The following DSCAM variants were observed in gnomAD, a reference collection of about 807,000 sequenced individuals.
The protein encoded by DSCAM is DS cell adhesion molecule.
A neutral mutation model predicts 217.7 loss-of-function variants in DSCAM; 47 were observed. That is an observed-to-expected ratio of 0.22 (90% CI 0.17 to 0.28). The LOEUF is 0.28. DSCAM is among the 10% of genes least tolerant of loss of function. DSCAM has a pLI of 1.00. For missense variants in DSCAM, 2,080 were observed against 2,618.3 expected (o/e 0.79, Z 4.49); for synonymous variants, 1,056 against 1,015.3 (o/e 1.04, Z -0.76).
intron 3 of DSCAM, among the ~76,000 whole-genome samples, chr21:40,458,646 T>TA (rs2075782181): frequency 6.6e-6 from 1 of 152,132 alleles, no homozygotes; most frequent in Non-Finnish European, 1.5e-5. Context: ...AGTTTTAAGA[T>TA]AAAAAATTAG....
At chr21:40,675,827 GCCT>G (rs1205375379) in intron 3 of DSCAM, among the ~76,000 whole-genome samples, 16 of 152,198 alleles carry the variant, frequency 1.1e-4, no homozygotes, top group Non-Finnish European at 2.2e-4. Context: ...CCCTCGTGCC[GCCT>G]CCTCAATTTA....
chr21:40,206,781 C>A (rs1202930095), intron 11 of DSCAM, among the ~76,000 whole-genome samples: 2 of 151,802 alleles, frequency 1.3e-5, no homozygotes, highest in African/African-American at 4.8e-5. Context: ...CATGGTAGCA[C>A]ATGACTGTAG....
intron 3 of DSCAM, among the ~76,000 whole-genome samples, chr21:40,582,657 T>C (rs1251944221): frequency 6.6e-6 from 1 of 151,850 alleles, no homozygotes; most frequent in Non-Finnish European, 1.5e-5. Context: ...TCTGTACATA[T>C]ACTATGTACA....
At chr21:40,334,847 T>G (rs930379531) in intron 8 of DSCAM, among the ~76,000 whole-genome samples, 1 of 152,144 alleles carries the variant, frequency 6.6e-6, no homozygotes, top group Non-Finnish European at 1.5e-5. Flanking sequence ...TCTGGCCATG[T>G]GACTTTTCTG....
At chr21:40,511,211 G>T (rs374382245) in intron 3 of DSCAM, among the ~76,000 whole-genome samples, 14 of 152,190 alleles carry the variant, frequency 9.2e-5, no homozygotes, top group African/African-American at 3.4e-4. Flanking sequence ...GAGAAAAGAG[G>T]AAAGCAGAAC....
At chr21:40,838,653 T>G (rs2092075763) in intron 1 of DSCAM, among the ~76,000 whole-genome samples, 1 of 152,250 alleles carries the variant, frequency 6.6e-6, no homozygotes, top group African/African-American at 2.4e-5. Context: ...TTTCTTCATT[T>G]TAATACTAAA....
chr21:40,729,682 A>T (rs2090992761), intron 1 of DSCAM, among the ~76,000 whole-genome samples: 1 of 152,172 alleles, frequency 6.6e-6, no homozygotes, highest in Non-Finnish European at 1.5e-5. Flanking sequence ...GTTCTATAAA[A>T]TCTTAATGAC....
chr21:40,656,243 T>G (rs1271897593), intron 3 of DSCAM, among the ~76,000 whole-genome samples: 2 of 152,208 alleles, frequency 1.3e-5, no homozygotes, highest in African/African-American at 4.8e-5. Context: ...TACCCCCTTT[T>G]GAAGGCTACA....
rs552908493 is a variant in DSCAM, at chr21:40,078,521, C to T, written c.4711+166G>A. Among the ~76,000 whole-genome samples the T allele has an allele frequency of 2.7e-3, 418 of 152,284 alleles. 3 individuals carry two copies. Among genetic ancestry groups the T allele is most frequent in the African/African-American group, 9.4e-3 (389 of 41,554 alleles). ...CACAGTGATGGTCATCTGGATATAA[C>T]GAACTAGGGAGCCCCAGACAGAGTC... On this transcript the variant is annotated intron_variant, in intron 26 of 32. Coordinates refer to ENST00000400454, the MANE Select transcript of DSCAM (RefSeq NM_001389.5).
chr21:40,390,545 A>C (rs975557785), intron 3 of DSCAM, among the ~76,000 whole-genome samples: 20 of 152,176 alleles, frequency 1.3e-4, no homozygotes, highest in African/African-American at 4.8e-4. Flanking sequence ...GGGTGGTTTA[A>C]ATGATAGCAG....
At chr21:40,121,106 A>G (rs1228408990) in intron 20 of DSCAM, among the ~76,000 whole-genome samples, 2 of 152,212 alleles carry the variant, frequency 1.3e-5, no homozygotes, top group Non-Finnish European at 2.9e-5. Flanking sequence ...ATGAGCAAGG[A>G]AAATATCTAG....
At chr21:40,286,395 TC>T in intron 10 of DSCAM, among the ~76,000 whole-genome samples, 1 of 152,008 alleles carries the variant, frequency 6.6e-6, no homozygotes, top group East Asian at 1.9e-4. Flanking sequence ...CTGGGGGCAC[TC>T]AGGCACGAGG....
chr21:40,418,793 A>G (rs2075395649), intron 3 of DSCAM, among the ~76,000 whole-genome samples: 1 of 152,190 alleles, frequency 6.6e-6, no homozygotes, highest in Non-Finnish European at 1.5e-5. Context: ...ATAATGCATA[A>G]AATTGAATTA....
At chr21:40,172,265 T>C (rs1172185863) in intron 15 of DSCAM, among the ~76,000 whole-genome samples, 1 of 152,218 alleles carries the variant, frequency 6.6e-6, no homozygotes, top group African/African-American at 2.4e-5. Context: ...CAAGACTCCA[T>C]CTCACAAAAA....
chr21:40,203,089 G>A (rs2091087287), intron 11 of DSCAM, among the ~76,000 whole-genome samples: 1 of 152,190 alleles, frequency 6.6e-6, no homozygotes, highest in Non-Finnish European at 1.5e-5. Flanking sequence ...GAGGCTAAAT[G>A]GCTTGTTCAA....
intron 3 of DSCAM, among the ~76,000 whole-genome samples, chr21:40,519,029 T>C (rs1389344802): frequency 6.6e-6 from 1 of 152,166 alleles, no homozygotes; most frequent in Admixed American, 6.5e-5. Flanking sequence ...ATAAAAGTGG[T>C]ACAATAAAAT....
chr21:40,409,961 T>C (rs944039415), intron 3 of DSCAM, among the ~76,000 whole-genome samples: 5 of 151,984 alleles, frequency 3.3e-5, no homozygotes, highest in African/African-American at 1.2e-4. Context: ...ACAAAACATG[T>C]CTAAAGCAGA....
intron 8 of DSCAM, among the ~76,000 whole-genome samples, chr21:40,322,777 G>A (rs900345182): frequency 4.6e-5 from 7 of 152,076 alleles, no homozygotes; most frequent in Non-Finnish European, 8.8e-5. Flanking sequence ...TACCCGCCTC[G>A]GCCTCCCAAA....
At chr21:40,593,562 T>C (rs2076999324) in intron 3 of DSCAM, among the ~76,000 whole-genome samples, 1 of 152,186 alleles carries the variant, frequency 6.6e-6, no homozygotes, top group African/African-American at 2.4e-5. Context: ...GCCAAGCTGG[T>C]CTTGAGCTCC....
Sources: gnomAD v4.1 joint callset for allele counts (sites outside exome capture counted in the v4.1 genomes callset) on GRCh38, gnomAD v4.1.1 for gene constraint, MANE v1.5 for transcripts, NCBI Gene and HGNC (gene_info 2026-07-23, HGNC 2026-07-21) for gene names.